Variants in MEF2A observed in about 807,000 individuals in gnomAD.
MEF2A encodes myocyte enhancer factor 2A.
MEF2A carries 28 observed loss-of-function variants against 55.8 expected under a neutral mutation model. The ratio of observed to expected loss-of-function variants is 0.50; its 90% CI spans 0.37 to 0.69. The LOEUF is 0.69. MEF2A is among the 30% of genes least tolerant of loss of function. MEF2A has a pLI of 0.00. For synonymous variants in MEF2A, 239 were observed against 227.1 expected (o/e 1.05, Z -0.47); for missense variants, 528 against 626.2 (o/e 0.84, Z 1.67).
chr15:99,602,348 C>T (rs1219724785), intron 2 of MEF2A, among the ~76,000 whole-genome samples: 1 of 152,024 alleles, frequency 6.6e-6, no homozygotes, highest in Admixed American at 6.6e-5. Context: ...GGGAGGGGAG[C>T]CTGTGCAGTG....
chr15:99,671,408 TCAG>T lies in MEF2A; in HGVS notation c.347_349del (p.Ser116del). 6.2e-7 allele frequency: 1 copy of T among 1,613,960 alleles called. No homozygotes were observed. The highest frequency in any genetic ancestry group is 2.2e-5 in the East Asian group (1 of 44,882). On this transcript the variant is annotated inframe_deletion, in exon 5 of 12. Transcript: ENST00000557942. ...CACAGTCCACTCTCGGAGGACAGAT[TCAG>T]CAAACTAAATGAAGATAGTGATTTT...
intron 2 of MEF2A, among the ~76,000 whole-genome samples, chr15:99,625,887 G>C (rs2041967716): frequency 6.6e-6 from 1 of 151,896 alleles, no homozygotes; most frequent in South Asian, 2.1e-4. Context: ...TTTTATTGAG[G>C]GTTTTCGTGT....
At chr15:99,698,076 A>G (rs2153751136) in intron 8 of MEF2A, among the ~76,000 whole-genome samples, 1 of 152,370 alleles carries the variant, frequency 6.6e-6, no homozygotes, top group African/African-American at 2.4e-5. Context: ...TTATTAAAAA[A>G]TTAACTAAAA....
At position 99,695,156 on chromosome 15, in the gene MEF2A, TTGC is replaced by T. The variant is rs1411140396; in HGVS notation, c.858+4730_858+4732del. Among the ~76,000 whole-genome samples the T allele has an allele frequency of 6.7e-3, 1,020 of 152,304 alleles. 11 individuals are homozygous for T. Among genetic ancestry groups the T allele is most frequent in the African/African-American group, 0.023 (969 of 41,554 alleles). On this transcript the variant is annotated intron_variant, in intron 8 of 11. Transcript: ENST00000557942. ...ATCCGAGTGCTTTCCCTCTTTTTAA[TTGC>T]TCCAAAAGGTATCTGACTATGTAAG...
At chr15:99,701,646 CTGAG>C (rs2057399476) in intron 8 of MEF2A, among the ~76,000 whole-genome samples, 1 of 152,280 alleles carries the variant, frequency 6.6e-6, no homozygotes, top group South Asian at 2.1e-4. Flanking sequence ...ATGTGGAAAG[CTGAG>C]TGAGATGTGA....
intron 2 of MEF2A, among the ~76,000 whole-genome samples, chr15:99,599,394 T>C (rs1288460771): frequency 6.6e-6 from 1 of 152,138 alleles, no homozygotes; most frequent in Non-Finnish European, 1.5e-5. Flanking sequence ...TCTTAAAAAT[T>C]TTTATTTTGC....
chr15:99,683,906 T>C (rs555386236), intron 7 of MEF2A, among the ~76,000 whole-genome samples: 3 of 152,104 alleles, frequency 2.0e-5, no homozygotes, highest in Non-Finnish European at 2.9e-5. Flanking sequence ...ATCATTCTTA[T>C]GCCGTTGCAT....
chr15:99,619,370 C>A (rs978509029), intron 2 of MEF2A, among the ~76,000 whole-genome samples: 1 of 152,174 alleles, frequency 6.6e-6, no homozygotes, highest in Non-Finnish European at 1.5e-5. Context: ...ATACCACAGA[C>A]CTGAGTTGTC....
intron 2 of MEF2A, among the ~76,000 whole-genome samples, chr15:99,616,912 GTTGGCTGGA>G (rs1202947337): frequency 6.6e-6 from 1 of 152,174 alleles, no homozygotes; most frequent in Non-Finnish European, 1.5e-5. Flanking sequence ...ATTTTGATTG[GTTGGCTGGA>G]TGTGAGAGCC....
intron 2 of MEF2A, among the ~76,000 whole-genome samples, chr15:99,599,125 G>A (rs1299661678): frequency 6.6e-6 from 1 of 152,060 alleles, no homozygotes; most frequent in Non-Finnish European, 1.5e-5. Flanking sequence ...ATCTCAGTAA[G>A]ATGTGTAGTC....
In MEF2A at chr15:99,666,254, G is replaced by A. The variant is rs1037025804; in HGVS notation, c.259-5069G>A. ...CATATACACCATGGAATACTATGCA[G>A]CCATAAAAAAAAGAATGAGTTCATG... On this transcript the variant is annotated intron_variant, in intron 4 of 11. Transcript: ENST00000557942. Among the ~76,000 whole-genome samples, 6 of 151,984 alleles carry A rather than the reference G, an allele frequency of 3.9e-5. No homozygotes were observed. The South Asian group carries it at 6.2e-4, about 16-fold the overall frequency.
chr15:99,692,401 A>C (rs971034869), intron 8 of MEF2A, among the ~76,000 whole-genome samples: 1 of 152,226 alleles, frequency 6.6e-6, no homozygotes, highest in Non-Finnish European at 1.5e-5. Context: ...TTGGATATAC[A>C]GAAAGTTCAT....
At chr15:99,612,680 G>C (rs2039490540) in intron 2 of MEF2A, among the ~76,000 whole-genome samples, 1 of 152,024 alleles carries the variant, frequency 6.6e-6, no homozygotes, top group Non-Finnish European at 1.5e-5. Context: ...GTTCCAATCT[G>C]GGTAACTGAG....
chr15:99,569,933 T>G (rs1961407552), intron 1 of MEF2A, among the ~76,000 whole-genome samples: 1 of 151,924 alleles, frequency 6.6e-6, no homozygotes, highest in Admixed American at 6.6e-5. Flanking sequence ...GTAAATCCAT[T>G]TGTTAATTAG....
rs1233941329 is a variant in MEF2A, at chr15:99,714,215, A to G, written c.*1444A>G. 1 of 152,232 alleles carries G rather than the reference A, an allele frequency of 6.6e-6. No individual in the cohort carries two copies. The highest frequency in any genetic ancestry group is 1.5e-5 in the Non-Finnish European group (1 of 68,034). The allele number at this position is 152,232 out of a possible 1,614,324, so 9.4% of individuals were successfully genotyped here. A position where few individuals can be genotyped will look rare whatever the true frequency, so the allele number is the denominator to read the frequency against. ...GGTGTTAAGTTCATCCTGCATAAGT[A>G]TAAAATGTGTTGTAACAGATTTTGT... On this transcript the variant is annotated 3_prime_UTR_variant, in exon 12 of 12. Transcript: ENST00000557942.
rs947460233 is a variant in MEF2A at position 99,566,100 on chromosome 15, A to G, written c.-229A>G. 9.9e-5 allele frequency: 15 copies of G among 151,014 alleles called. No individual in the cohort carries two copies. Among genetic ancestry groups the G allele is most frequent in the African/African-American group, 3.7e-4 (15 of 40,904 alleles). 9.4% of individuals were successfully genotyped at this position (151,014 alleles called of 1,614,324 possible). ...TGCGCGCCCGCCAGCTGCTCCGGAG[A>G]TACGGTGAGGGCCGCGGGCAGCGGG... On this transcript the variant is annotated 5_prime_UTR_variant, in exon 1 of 12. Coordinates refer to ENST00000557942, the MANE Select transcript of MEF2A (RefSeq NM_001319206.4).
At chr15:99,589,468 T>C (rs1412713052) in intron 1 of MEF2A, among the ~76,000 whole-genome samples, 2 of 152,168 alleles carry the variant, frequency 1.3e-5, no homozygotes, top group African/African-American at 4.8e-5. Flanking sequence ...CCAACTTTAA[T>C]TGATTTTATC....
intron 4 of MEF2A, among the ~76,000 whole-genome samples, chr15:99,656,139 A>G (rs2047668219): frequency 6.6e-6 from 1 of 152,242 alleles, no homozygotes; most frequent in East Asian, 1.9e-4. Flanking sequence ...ATATTACAAA[A>G]TCTAGTAGGG....
chr15:99,671,219 T>G lies in MEF2A; in HGVS notation c.259-104T>G, dbSNP rs2050802435. On this transcript the variant is annotated intron_variant, in intron 4 of 11. Transcript: ENST00000557942. Reference sequence around the variant, plus strand: ...ATTTAGAAACCGTTTCAGTGGCTCTTGTATAATTCAGTTCATTCCGTCTGT... The same window carrying G: ...ATTTAGAAACCGTTTCAGTGGCTCTGGTATAATTCAGTTCATTCCGTCTGT... 6 of 1,253,444 alleles carry G rather than the reference T, an allele frequency of 4.8e-6. No individual in the cohort carries two copies. In the South Asian group the frequency reaches 9.9e-5, roughly 21 times the overall value. The allele number at this position is 1,253,444 out of a possible 1,614,324, so 77.6% of individuals were successfully genotyped here.
Sources: gnomAD v4.1 joint callset for allele counts (sites outside exome capture counted in the v4.1 genomes callset) on GRCh38, gnomAD v4.1.1 for gene constraint, MANE v1.5 for transcripts, NCBI Gene and HGNC (gene_info 2026-07-23, HGNC 2026-07-21) for gene names.